TK2: variants seen among roughly 807,000 people sequenced by gnomAD.
The protein encoded by TK2 is thymidine kinase 2, mitochondrial.
Under a neutral mutation model 41.9 loss-of-function variants are expected in TK2, and 35 were observed. The ratio of observed to expected loss-of-function variants is 0.84; its 90% CI spans 0.64 to 1.11. The LOEUF (loss-of-function observed/expected upper bound fraction) is 1.11, where lower values mean the gene tolerates loss of function less well. Ranked by LOEUF, TK2 falls within the 50% of genes least tolerant of loss-of-function variation. The pLI, the probability that TK2 is intolerant of heterozygous loss-of-function variation, is 0.00. For missense variants in TK2, 320 were observed against 351.1 expected (o/e 0.91, Z 0.71); for synonymous variants, 128 against 129.1 (o/e 0.99, Z 0.06).
intron 6 of TK2, among the ~76,000 whole-genome samples, chr16:66,523,474 A>G (rs1186928180): frequency 6.6e-6 from 1 of 152,212 alleles, no homozygotes; most frequent in Non-Finnish European, 1.5e-5. Context: ...TCTATGCTAC[A>G]TTTTGCATAG....
chr16:66,549,511 G>C, intron 1 of TK2: 2 of 1,037,744 alleles, frequency 1.9e-6, no homozygotes, highest in African/African-American at 3.4e-5. Context: ...GTTTCTGTGT[G>C]GGTCCCCACT....
chr16:66,537,030 A>C lies in TK2; in HGVS notation c.232-13T>G. 6.2e-7 allele frequency: 1 copy of C among 1,614,152 alleles called. No homozygotes were observed. Among genetic ancestry groups the C allele is most frequent in the Non-Finnish European group, 8.5e-7 (1 of 1,180,014 alleles). On this transcript the variant is annotated splice_polypyrimidine_tract_variant and intron_variant, in intron 3 of 9. Transcript: ENST00000544898. ...GCTCCGTTAACACCTGGAAGGAAAG[A>C]AAACATCAGAGCTACTGTTTCTCTG...
chr16:66,515,209 C>T (rs1964576486), intron 8 of TK2, among the ~76,000 whole-genome samples: 1 of 152,046 alleles, frequency 6.6e-6, no homozygotes, highest in Non-Finnish European at 1.5e-5. Flanking sequence ...CTGGCTTCTC[C>T]CATTTACTGC....
chr16:66,523,353 C>T (rs1395117166), intron 6 of TK2, among the ~76,000 whole-genome samples: 1 of 152,216 alleles, frequency 6.6e-6, no homozygotes, highest in Non-Finnish European at 1.5e-5. Context: ...CAGGCAGGAG[C>T]TGACGCCCCA....
chr16:66,522,794 G>C (rs975315147), intron 6 of TK2, among the ~76,000 whole-genome samples: 2 of 152,148 alleles, frequency 1.3e-5, no homozygotes, highest in Admixed American at 1.3e-4. Flanking sequence ...AACCCGGGAG[G>C]TGGAGGCTGC....
At chr16:66,529,109 G>C (rs1469591062) in intron 5 of TK2, 42 bp from the exon 6 acceptor site, 8 of 1,594,596 alleles carry the variant, frequency 5.0e-6, no homozygotes, top group Non-Finnish European at 5.2e-6. Context: ...CAGGGGAAAA[G>C]GAGACAGCCA....
At chr16:66,532,621 T>A (rs9673833) in intron 4 of TK2, among the ~76,000 whole-genome samples, 1,656 of 150,626 alleles carry the variant, frequency 0.011, 17 homozygotes, top group East Asian at 0.028. Context: ...AAAAATAAAT[T>A]AATTAATTAA....
At chr16:66,512,879 A>G (rs1219932195) in intron 9 of TK2, among the ~76,000 whole-genome samples, 1 of 152,216 alleles carries the variant, frequency 6.6e-6, no homozygotes, top group South Asian at 2.1e-4. Context: ...GAGCCCAAAC[A>G]GATATTCCTA....
intron 8 of TK2, among the ~76,000 whole-genome samples, chr16:66,516,048 A>C (rs1964602966): frequency 6.6e-6 from 1 of 152,204 alleles, no homozygotes; most frequent in Admixed American, 6.5e-5. Flanking sequence ...ACCAGGCCCC[A>C]AGGCACATGC....
In TK2 at chr16:66,517,885, G is replaced by T; in HGVS notation, c.450-8C>A. ...ACTTCTGGCATCTTCCCACTGCAATGAGAGTTGTAAGGGCTTATTCACCTA... is the reference window on the plus strand; with the variant it reads ...ACTTCTGGCATCTTCCCACTGCAATTAGAGTTGTAAGGGCTTATTCACCTA... On this transcript the variant is annotated splice_region_variant and splice_polypyrimidine_tract_variant and intron_variant, in intron 6 of 9. Coordinates refer to ENST00000544898, the MANE Select transcript of TK2 (RefSeq NM_004614.5). This position sits in a 1 kb window ranked among gnomAD's most constrained non-coding sequence, Gnocchi z 4.3. 1.2e-6 allele frequency: 2 copies of T among 1,613,100 alleles called. No homozygotes were observed. The highest frequency in any genetic ancestry group is 1.7e-6 in the Non-Finnish European group (2 of 1,179,034).
At chr16:66,523,729 T>C (rs968918495) in intron 6 of TK2, among the ~76,000 whole-genome samples, 1 of 152,176 alleles carries the variant, frequency 6.6e-6, no homozygotes, top group Non-Finnish European at 1.5e-5. Context: ...CTCGGGAGGC[T>C]GAGGCAGGAG....
At chr16:66,522,280 T>C (rs916630414) in intron 6 of TK2, among the ~76,000 whole-genome samples, 6 of 152,246 alleles carry the variant, frequency 3.9e-5, no homozygotes, top group Non-Finnish European at 8.8e-5. Flanking sequence ...TGGGAAGAAC[T>C]TAAGCCCCTG....
chr16:66,540,012 C>T (rs1047793502), intron 3 of TK2, among the ~76,000 whole-genome samples: 1 of 152,188 alleles, frequency 6.6e-6, no homozygotes, highest in Non-Finnish European at 1.5e-5. Flanking sequence ...CAGCCAAAGA[C>T]CACCCTTGCA....
At chr16:66,536,037 C>A (rs1199377616) in intron 4 of TK2, among the ~76,000 whole-genome samples, 1 of 151,970 alleles carries the variant, frequency 6.6e-6, no homozygotes, top group Non-Finnish European at 1.5e-5. Context: ...AACCCTGTCT[C>A]TACTAAAAAC....
At chr16:66,524,788 G>C (rs1964882081) in intron 6 of TK2, 1 of 152,272 alleles carries the variant, frequency 6.6e-6, no homozygotes, top group African/African-American at 2.4e-5. Context: ...AAGATGCACA[G>C]GTGGTTGTGG....
intron 3 of TK2, among the ~76,000 whole-genome samples, chr16:66,540,345 G>C (rs1047925330): frequency 2.6e-5 from 4 of 151,552 alleles, no homozygotes; most frequent in Non-Finnish European, 4.4e-5. Context: ...GCTAAGTTTT[G>C]TATTTTTTGT....
chr16:66,549,952 C>G lies in TK2; in HGVS notation c.110G>C (p.Arg37Pro). ...ACGCGCGTTACCGGGAGGCCAGGCCCGGCGCTGCACCCTCCGCGGCCCGGG... is the reference window on the plus strand; with the variant it reads ...ACGCGCGTTACCGGGAGGCCAGGCCGGGCGCTGCACCCTCCGCGGCCCGGG... ...SGPGPRRVQR[R>P]AWPPDKEQEK... is the part of the protein sequence containing the mutation. Residue 37 changes from arginine (R) to proline (P), a missense_variant, in exon 1 of 10, where the codon CGG becomes CCG. Coordinates refer to ENST00000544898, the MANE Select transcript of TK2 (RefSeq NM_004614.5). The G allele has an allele frequency of 8.1e-6, 11 of 1,366,192 alleles. No homozygotes were observed. The highest frequency in any genetic ancestry group is 1.0e-5 in the Non-Finnish European group (11 of 1,068,454). 84.6% of individuals were successfully genotyped at this position (1,366,192 alleles called of 1,614,324 possible).
chr16:66,538,558 G>A (rs1965358396), intron 3 of TK2, among the ~76,000 whole-genome samples: 2 of 152,132 alleles, frequency 1.3e-5, no homozygotes, highest in Non-Finnish European at 2.9e-5. Context: ...AGATATCCAT[G>A]CTAGGCACTG....
At chr16:66,533,824 G>A (rs1236126946) in intron 4 of TK2, among the ~76,000 whole-genome samples, 1 of 151,798 alleles carries the variant, frequency 6.6e-6, no homozygotes, top group African/African-American at 2.4e-5. Context: ...TGGCTAACAC[G>A]GTGAAATCCT....
Sources: allele counts gnomAD v4.1 joint callset (sites outside exome capture counted in the v4.1 genomes callset), GRCh38; gene constraint gnomAD v4.1.1; non-coding constraint Gnocchi (gnomAD v3.1); transcripts MANE v1.5; gene names NCBI Gene and HGNC (gene_info 2026-07-23, HGNC 2026-07-21).